The following ARL15 variants were observed in gnomAD, a reference collection of about 807,000 sequenced individuals.
The protein encoded by ARL15 is ADP-ribosylation factor-like protein 15.
In ARL15, 19 loss-of-function variants were observed where a neutral mutation model predicts 25.2. The observed-to-expected ratio is 0.75, with a 90% CI of 0.53 to 1.10. The LOEUF (loss-of-function observed/expected upper bound fraction) is 1.10. Among genes scored for constraint, ARL15 ranks in the 50% least tolerant of loss-of-function variants. ARL15 has a pLI of 0.00. For missense variants in ARL15, 220 were observed against 246.0 expected, an observed-to-expected ratio of 0.89 and a Z score of 0.71; for synonymous variants, 94 against 86.8, an observed-to-expected ratio of 1.08 and a Z score of -0.46.
chr5:53,914,434 T>C (rs1745566831), intron 4 of ARL15, among the ~76,000 whole-genome samples: 1 of 152,234 alleles, frequency 6.6e-6, no homozygotes, highest in Non-Finnish European at 1.5e-5. Context: ...ATCCACCTGA[T>C]GCATTCTGGA....
intron 4 of ARL15, among the ~76,000 whole-genome samples, chr5:54,103,147 G>C (rs2112184343): frequency 6.6e-6 from 1 of 152,010 alleles, no homozygotes; most frequent in African/African-American, 2.4e-5. Context: ...TTGTAACCTA[G>C]TAAAAAACTT....
chr5:54,071,109 G>T (rs557308664), intron 4 of ARL15, among the ~76,000 whole-genome samples: 1 of 151,698 alleles, frequency 6.6e-6, no homozygotes, highest in Admixed American at 6.6e-5. Context: ...GGTCAGGGCT[G>T]CAGTGAGCCA....
intron 4 of ARL15, among the ~76,000 whole-genome samples, chr5:53,932,928 G>A (rs1053659636): frequency 2.6e-5 from 4 of 152,164 alleles, no homozygotes; most frequent in East Asian, 3.9e-4. Flanking sequence ...CGTAATCCCC[G>A]TCATCTCTCA....
intron 4 of ARL15, among the ~76,000 whole-genome samples, chr5:53,976,298 G>C (rs1747919964): frequency 6.6e-6 from 1 of 152,188 alleles, no homozygotes; most frequent in African/African-American, 2.4e-5. Flanking sequence ...ATGCAGGTAG[G>C]AGGAATAATA....
intron 1 of ARL15, among the ~76,000 whole-genome samples, chr5:54,243,119 TA>T (rs760861032): frequency 5.7e-4 from 87 of 152,092 alleles, no homozygotes; most frequent in Non-Finnish European, 2.1e-4. Flanking sequence ...ATTACCTGCT[TA>T]GGAATAGACA....
chr5:53,898,022 T>A (rs1262278206), intron 4 of ARL15, among the ~76,000 whole-genome samples: 2 of 152,192 alleles, frequency 1.3e-5, no homozygotes, highest in Non-Finnish European at 2.9e-5. Flanking sequence ...ATTAATAAGA[T>A]AATAAGGAAG....
At chr5:54,033,541 G>A (rs1425062168) in intron 4 of ARL15, among the ~76,000 whole-genome samples, 6 of 150,626 alleles carry the variant, frequency 4.0e-5, no homozygotes, top group South Asian at 2.1e-4. Context: ...GTGTGGTGGC[G>A]CACACCTATA....
At position 54,204,296 on chromosome 5, in the gene ARL15, G is replaced by A. The variant is rs530977495; in HGVS notation, c.49-32368C>T. ...CAAATCACATATAACTATTATCTAC[G>A]CCAGACTCCATTCTATTTGCTGTAA... On this transcript the variant is annotated intron_variant, in intron 1 of 4. Coordinates refer to ENST00000504924, the MANE Select transcript of ARL15 (RefSeq NM_019087.3). 1.1e-4 allele frequency among the ~76,000 whole-genome samples: 16 copies of A among 152,160 alleles called. No individual in the cohort carries two copies. In the South Asian group the frequency reaches 3.1e-3, roughly 30 times the overall value.
At chr5:54,094,723 G>A (rs1288673179) in intron 4 of ARL15, among the ~76,000 whole-genome samples, 1 of 152,046 alleles carries the variant, frequency 6.6e-6, no homozygotes, top group East Asian at 1.9e-4. Flanking sequence ...ACCAGGCCTG[G>A]GTCTGTATTG....
intron 1 of ARL15, among the ~76,000 whole-genome samples, chr5:54,259,390 A>G (rs1379899899): frequency 6.6e-6 from 1 of 151,846 alleles, no homozygotes; most frequent in Admixed American, 6.6e-5. Context: ...ACTACAAATC[A>G]CCCCTAAATC....
rs796958905 is a variant in ARL15, at chr5:54,292,517, T to C, written c.48+17915A>G. Among the ~76,000 whole-genome samples, 45 of 152,284 alleles carry C rather than the reference T, an allele frequency of 3.0e-4. 1 individual carries two copies. The highest frequency in any genetic ancestry group is 1.1e-3 in the African/African-American group (44 of 41,550). On this transcript the variant is annotated intron_variant, in intron 1 of 4. Coordinates refer to ENST00000504924, the MANE Select transcript of ARL15 (RefSeq NM_019087.3). The stretch of plus-strand genomic sequence containing the variant: ...ATCACAACCCATGAACCAGGTGAGC[T>C]ATAGACCCTCGTAAGCCCACTCCTT...
At chr5:54,295,504 G>T (rs1453033868) in intron 1 of ARL15, among the ~76,000 whole-genome samples, 2 of 152,104 alleles carry the variant, frequency 1.3e-5, no homozygotes, top group African/African-American at 4.8e-5. Flanking sequence ...AAAGAGTCAG[G>T]AAATGCAAAG....
intron 4 of ARL15, among the ~76,000 whole-genome samples, chr5:53,990,981 G>A (rs893693308): frequency 5.9e-5 from 9 of 151,766 alleles, no homozygotes; most frequent in Non-Finnish European, 1.2e-4. Context: ...TTGAATGTTT[G>A]ATTTTGAAAT....
At chr5:54,000,801 T>C (rs926535348) in intron 4 of ARL15, among the ~76,000 whole-genome samples, 3 of 152,150 alleles carry the variant, frequency 2.0e-5, no homozygotes, top group African/African-American at 7.2e-5. Flanking sequence ...AATTTCTCTA[T>C]ATAAACCCTT....
At chr5:54,305,495 C>T (rs1275784043) in intron 1 of ARL15, among the ~76,000 whole-genome samples, 2 of 152,092 alleles carry the variant, frequency 1.3e-5, no homozygotes, top group African/African-American at 2.4e-5. Context: ...ATCCCCAACA[C>T]GGTACAGTAG....
At chr5:54,041,391 T>A (rs1296317586) in intron 4 of ARL15, among the ~76,000 whole-genome samples, 1 of 152,208 alleles carries the variant, frequency 6.6e-6, no homozygotes, top group African/African-American at 2.4e-5. Flanking sequence ...TAGGTCACCT[T>A]GAATTTCAAG....
intron 4 of ARL15, among the ~76,000 whole-genome samples, chr5:53,918,280 C>T (rs1235955308): frequency 2.0e-5 from 3 of 152,050 alleles, no homozygotes; most frequent in Admixed American, 6.5e-5. Context: ...TGACATCCTG[C>T]GCTGAAGCAA....
At chr5:54,082,615 T>C (rs1751838634) in intron 4 of ARL15, among the ~76,000 whole-genome samples, 1 of 152,172 alleles carries the variant, frequency 6.6e-6, no homozygotes, top group Non-Finnish European at 1.5e-5. Context: ...CCTACCAAGA[T>C]AAAATAGGAA....
At chr5:54,197,390 G>C (rs1166538912) in intron 1 of ARL15, among the ~76,000 whole-genome samples, 1 of 152,050 alleles carries the variant, frequency 6.6e-6, no homozygotes, top group African/African-American at 2.4e-5. Context: ...GATTGGGAGG[G>C]GGATGCCCCT....
Sources: allele counts gnomAD v4.1 joint callset (sites outside exome capture counted in the v4.1 genomes callset), GRCh38; gene constraint gnomAD v4.1.1; transcripts MANE v1.5; gene names NCBI Gene and HGNC (gene_info 2026-07-23, HGNC 2026-07-21).